The following LRRC72 variants were observed in gnomAD, a reference collection of about 807,000 sequenced individuals.
The protein encoded by LRRC72 is leucine-rich repeat-containing protein 72.
Under a neutral mutation model 35.8 loss-of-function variants are expected in LRRC72, and 41 were observed. The observed-to-expected ratio is 1.15, with a 90% CI of 0.89 to 1.49. The LOEUF (loss-of-function observed/expected upper bound fraction) is 1.49. Ranked by LOEUF, LRRC72 falls within the 40% of genes most tolerant of loss-of-function variation. The pLI, the probability that LRRC72 is intolerant of heterozygous loss-of-function variation, is 0.00. For missense variants in LRRC72, 389 were observed against 330.7 expected (o/e 1.18, Z -1.37); for synonymous variants, 118 against 119.2 (o/e 0.99, Z 0.07).
At chr7:16,578,392 G>A (rs1197418842) in intron 7 of LRRC72, among the ~76,000 whole-genome samples, 1 of 152,130 alleles carries the variant, frequency 6.6e-6, no homozygotes, top group African/African-American at 2.4e-5. Flanking sequence ...AGAATCGCTT[G>A]AACCCAGGAG....
chr7:16,534,640 C>A (rs1296518259), intron 2 of LRRC72, among the ~76,000 whole-genome samples: 1 of 151,752 alleles, frequency 6.6e-6, no homozygotes, highest in Non-Finnish European at 1.5e-5. Context: ...GAGACTCAGT[C>A]TCAAAAAATA....
At chr7:16,580,537 A>G (rs975198910) in intron 8 of LRRC72, among the ~76,000 whole-genome samples, 4 of 152,132 alleles carry the variant, frequency 2.6e-5, no homozygotes, top group African/African-American at 9.6e-5. Context: ...CCAGCTACTC[A>G]GGAGACTGAG....
intron 7 of LRRC72, among the ~76,000 whole-genome samples, chr7:16,577,564 A>C (rs1733267903): frequency 6.6e-6 from 1 of 152,234 alleles, no homozygotes; most frequent in African/African-American, 2.4e-5. Context: ...GTATCCCATA[A>C]ATATGTACAA....
Position 16,558,894 on chromosome 7 carries a change from C to T in LRRC72, c.322C>T (p.His108Tyr). ...AAATATTCTGTTTTTTTTAGGTCTG[C>T]ATTATTTGCCTTCATTGCATATACT... ...NNAIFEIEGLHYLPSLHILLL... is the reference protein window; with the variant it reads ...NNAIFEIEGLYYLPSLHILLL... The change falls in exon 5 of 9, where the codon CAT (histidine) becomes TAT (tyrosine). Residue 108 changes from histidine to tyrosine, a missense_variant. By Grantham distance (83) the His-to-Tyr change is moderately conservative. Transcript: ENST00000401542. 1 of 1,443,458 alleles carries T rather than the reference C, an allele frequency of 6.9e-7. No homozygotes were observed. Among genetic ancestry groups the T allele is most frequent in the East Asian group, 2.7e-5 (1 of 36,970 alleles). 89.4% of individuals were successfully genotyped at this position (1,443,458 alleles called of 1,614,324 possible). A position where few individuals can be genotyped will look rare whatever the true frequency, so the allele number is the denominator to read the frequency against.
Position 16,554,255 on chromosome 7 carries a change from G to A in LRRC72, c.235-3105G>A, listed in dbSNP as rs563769247. ...TGAGGCAGGAGAATCGCTTGAACCC[G>A]GGAGGTGGAGGTTGCAGTGAGCAGA... On this transcript the variant is annotated intron_variant, in intron 3 of 8. Transcript: ENST00000401542. Among the ~76,000 whole-genome samples the A allele has an allele frequency of 1.2e-4, 18 of 152,248 alleles. No homozygotes were observed. The South Asian group carries it at 1.5e-3, about 12-fold the overall frequency.
chr7:16,542,060 G>A (rs1190355658), intron 3 of LRRC72, among the ~76,000 whole-genome samples: 2 of 152,224 alleles, frequency 1.3e-5, no homozygotes, highest in African/African-American at 4.8e-5. Context: ...TGTTTTTACT[G>A]TGTGTTCCCA....
chr7:16,568,350 A>G (rs1348331710), intron 7 of LRRC72, among the ~76,000 whole-genome samples: 1 of 152,222 alleles, frequency 6.6e-6, no homozygotes, highest in Non-Finnish European at 1.5e-5. Flanking sequence ...CAAAGAGACA[A>G]CATACATTTT....
chr7:16,551,540 G>C (rs1782548707), intron 3 of LRRC72, among the ~76,000 whole-genome samples: 1 of 152,158 alleles, frequency 6.6e-6, no homozygotes, highest in Non-Finnish European at 1.5e-5. Context: ...GAGAGGGCCT[G>C]AAGGTTAAAT....
chr7:16,543,578 A>T (rs2128335670), intron 3 of LRRC72, among the ~76,000 whole-genome samples: 1 of 152,314 alleles, frequency 6.6e-6, no homozygotes, highest in South Asian at 2.1e-4. Flanking sequence ...AGGTGGCCCC[A>T]CTTAGGTCCA....
intron 5 of LRRC72, 146 bp downstream of exon 5, chr7:16,559,145 G>A: frequency 2.0e-6 from 1 of 495,262 alleles, no homozygotes; most frequent in Non-Finnish European, 3.6e-6. Flanking sequence ...TGTAATCTCA[G>A]TGCTTAGGCA....
Position 16,562,503 on chromosome 7 carries a change from A to G in LRRC72, c.427+3504A>G, listed in dbSNP as rs190898279. 2.8e-3 allele frequency among the ~76,000 whole-genome samples: 419 copies of G among 152,362 alleles called. 5 individuals carry two copies. The highest frequency in any genetic ancestry group is 9.2e-3 in the African/African-American group (384 of 41,590). On this transcript the variant is annotated intron_variant, in intron 5 of 8. Coordinates refer to ENST00000401542, the MANE Select transcript of LRRC72 (RefSeq NM_001195280.2). ...AGTATGCTTAAGACTCCTGCATGCCATAATTGTTAAGACCTGCTTCCTACC... is the reference window on the plus strand; with the variant it reads ...AGTATGCTTAAGACTCCTGCATGCCGTAATTGTTAAGACCTGCTTCCTACC...
At position 16,561,214 on chromosome 7, in the gene LRRC72, A is replaced by G. The variant is rs78685841; in HGVS notation, c.427+2215A>G. ...AGTCTATACCTATATAGGGCTTACA[A>G]ATTAGTAACACTCAGCCTAAATATT... On this transcript the variant is annotated intron_variant, in intron 5 of 8. Coordinates refer to ENST00000401542, the MANE Select transcript of LRRC72 (RefSeq NM_001195280.2). Among the ~76,000 whole-genome samples, 1,003 of 152,330 alleles carry G rather than the reference A, an allele frequency of 6.6e-3. 11 individuals are homozygous for G. The highest frequency in any genetic ancestry group is 0.023 in the African/African-American group (967 of 41,580).
At chr7:16,540,641 T>G (rs545393695) in intron 3 of LRRC72, among the ~76,000 whole-genome samples, 39 of 152,254 alleles carry the variant, frequency 2.6e-4, no homozygotes, top group Admixed American at 8.5e-4. Context: ...GGGAGGAACC[T>G]GGTGGGAGGT....
chr7:16,534,209 G>T (rs1010497714), intron 2 of LRRC72, among the ~76,000 whole-genome samples: 2 of 152,162 alleles, frequency 1.3e-5, no homozygotes, highest in East Asian at 3.9e-4. Flanking sequence ...AGTGATCATG[G>T]AGAACATACA....
At chr7:16,543,424 T>G (rs1029861039) in intron 3 of LRRC72, among the ~76,000 whole-genome samples, 10 of 152,236 alleles carry the variant, frequency 6.6e-5, no homozygotes, top group African/African-American at 1.7e-4. Flanking sequence ...GCATTTTTTT[T>G]GTTTATTCAC....
intron 2 of LRRC72, chr7:16,532,938 T>G (rs1395619200): frequency 3.6e-6 from 1 of 274,740 alleles, no homozygotes; most frequent in African/African-American, 2.2e-5. Context: ...AGTATAAATA[T>G]GTCCCACATA....
rs969302962 is a variant in LRRC72, at chr7:16,559,063, T to C, written c.427+64T>C. The C allele has an allele frequency of 1.3e-5, 13 of 994,892 alleles. 1 individual carries two copies. The Admixed American group carries it at 2.7e-4, about 21-fold the overall frequency. 61.6% of individuals were successfully genotyped at this position (994,892 alleles called of 1,614,324 possible). ...AGTATTAACATAAGACATTTTTCCA[T>C]TTATCAAGTTTAAAATTAGAGAGGC... On this transcript the variant is annotated intron_variant, in intron 5 of 8. Coordinates refer to ENST00000401542, the MANE Select transcript of LRRC72 (RefSeq NM_001195280.2).
intron 2 of LRRC72, among the ~76,000 whole-genome samples, chr7:16,536,000 G>A (rs1782250708): frequency 6.6e-6 from 1 of 152,144 alleles, no homozygotes; most frequent in African/African-American, 2.4e-5. Flanking sequence ...AGTCTCCTAA[G>A]TAGCTGGGAT....
intron 3 of LRRC72, among the ~76,000 whole-genome samples, chr7:16,555,419 G>A (rs1024066865): frequency 7.2e-5 from 11 of 152,176 alleles, no homozygotes; most frequent in Admixed American, 3.9e-4. Flanking sequence ...AGTCAGATGG[G>A]TTGGGATCCT....
Sources: allele counts gnomAD v4.1 joint callset (sites outside exome capture counted in the v4.1 genomes callset), GRCh38; gene constraint gnomAD v4.1.1; transcripts MANE v1.5; gene names NCBI Gene and HGNC (gene_info 2026-07-23, HGNC 2026-07-21).